Variants in MCF2L2 observed in about 807,000 individuals in gnomAD.
MCF2L2 encodes MCF.2 cell line derived transforming sequence-like 2.
In MCF2L2, 102 loss-of-function variants were observed where a neutral mutation model predicts 150.2. The observed-to-expected ratio is 0.68, with a 90% confidence interval of 0.58 to 0.80. The LOEUF (loss-of-function observed/expected upper bound fraction) is 0.80. Ranked by LOEUF, MCF2L2 falls within the 30% of genes least tolerant of loss-of-function variation. The pLI, the probability that MCF2L2 is intolerant of heterozygous loss-of-function variation, is 0.00. For missense variants in MCF2L2, 1,256 were observed against 1,372.8 expected (o/e 0.91, Z 1.34); for synonymous variants, 465 against 491.3 (o/e 0.95, Z 0.71).
At chr3:183,249,647 T>C (rs9883461) in intron 15 of MCF2L2, among the ~76,000 whole-genome samples, 26,818 of 152,098 alleles carry the variant, frequency 0.18, 7,060 homozygotes, top group African/African-American at 0.57. Context: ...ATCAAACTGC[T>C]GAGGCCCTGG....
intron 10 of MCF2L2, 129 bp downstream of exon 10, chr3:183,309,587 G>A: frequency 8.8e-7 from 1 of 1,141,182 alleles, no homozygotes; most frequent in Non-Finnish European, 1.3e-6. Flanking sequence ...TGGGATCCTG[G>A]GGTGACTGAA....
chr3:183,316,767 G>A (rs10937122), intron 7 of MCF2L2, among the ~76,000 whole-genome samples: 42,453 of 150,584 alleles, frequency 0.28, 6,378 homozygotes, highest in East Asian at 0.47. Context: ...GTGCAGTGGC[G>A]AGATCTCGGC....
chr3:183,348,475 T>C (rs917337938), intron 3 of MCF2L2, among the ~76,000 whole-genome samples: 22 of 150,830 alleles, frequency 1.5e-4, no homozygotes, highest in African/African-American at 5.4e-4. Context: ...AGATGATGGG[T>C]TGATGGGTGC....
At chr3:183,333,961 C>CAA (rs57368442) in intron 5 of MCF2L2, among the ~76,000 whole-genome samples, 68 of 94,992 alleles carry the variant, frequency 7.2e-4, no homozygotes, top group African/African-American at 1.7e-3. Context: ...AAGGAAGTGC[C>CAA]AAAAAAAAAA....
chr3:183,309,620 G>A, intron 10 of MCF2L2, 96 bp downstream of exon 10: 2 of 1,534,810 alleles, frequency 1.3e-6, no homozygotes, highest in East Asian at 2.2e-5. Flanking sequence ...GCATTCCTGT[G>A]TCCTTTAGCA....
At chr3:183,328,774 T>A (rs985544128) in intron 5 of MCF2L2, among the ~76,000 whole-genome samples, 10 of 152,034 alleles carry the variant, frequency 6.6e-5, no homozygotes, top group African/African-American at 2.4e-4. Context: ...TATTTGCAAG[T>A]CATATATCAG....
In MCF2L2 at chr3:183,179,175, CA is replaced by C. The variant is rs1721420320; in HGVS notation, c.*204del. On this transcript the variant is annotated 3_prime_UTR_variant, in exon 30 of 30. Transcript: ENST00000328913. This position sits in a 1 kb window ranked among gnomAD's most constrained non-coding sequence, Gnocchi z 4.2. ...GCTCGCCTCTGCAGGCGCCTTAGAG[CA>C]GCTCCGAGGTCCCCCGTGCGGAGCT... is the stretch of plus-strand genomic sequence containing the variant. The C allele has an allele frequency of 1.7e-6, 1 of 599,284 alleles. No homozygotes were observed. The highest frequency in any genetic ancestry group is 1.9e-5 in the African/African-American group (1 of 51,414). 37.1% of individuals were successfully genotyped at this position (599,284 alleles called of 1,614,324 possible).
rs1722122058 is a variant in MCF2L2 at position 183,197,703 on chromosome 3, T to G, written c.2885-2448A>C. Among the ~76,000 whole-genome samples the G allele has an allele frequency of 6.6e-6, 1 of 152,010 alleles. No homozygotes were observed. Among genetic ancestry groups the G allele is most frequent in the South Asian group, 2.1e-4 (1 of 4,830 alleles). Reference sequence around the variant, plus strand: ...ACTAGAAGAAAATATTTACAAAGCATTAAAAGGACATATATCTAGGATATA... The same window carrying G: ...ACTAGAAGAAAATATTTACAAAGCAGTAAAAGGACATATATCTAGGATATA... On this transcript the variant is annotated intron_variant, in intron 25 of 29. Transcript: ENST00000328913. The surrounding 1 kb of genome is among the most constrained non-coding windows in gnomAD (Gnocchi z 4.5).
Position 183,270,802 on chromosome 3 carries a change from A to G in MCF2L2, c.1862+6070T>C. 4 of 1,614,084 alleles carry G rather than the reference A, an allele frequency of 2.5e-6. No homozygotes were observed. Among genetic ancestry groups the G allele is most frequent in the Non-Finnish European group, 3.4e-6 (4 of 1,179,992 alleles). ...GAAGATCTCCAGGACCTTTGGAAGAATGCTACAGATCCTAAAGTAAAAACC... is the reference window on the plus strand; with the variant it reads ...GAAGATCTCCAGGACCTTTGGAAGAGTGCTACAGATCCTAAAGTAAAAACC... On this transcript the variant is annotated intron_variant, in intron 15 of 29. Transcript: ENST00000328913. This position sits in a 1 kb window ranked among gnomAD's most constrained non-coding sequence, Gnocchi z 4.5.
At chr3:183,257,931 C>G (rs1008674450) in intron 15 of MCF2L2, among the ~76,000 whole-genome samples, 5 of 114,248 alleles carry the variant, frequency 4.4e-5, no homozygotes, top group African/African-American at 1.7e-4. Context: ...CTTGGAATGT[C>G]TTATTCCTTG....
At chr3:183,208,697 T>G (rs566819401) in intron 22 of MCF2L2, among the ~76,000 whole-genome samples, 2 of 152,280 alleles carry the variant, frequency 1.3e-5, no homozygotes, top group South Asian at 4.1e-4. Context: ...AACAAATTAT[T>G]TGAAGGGGAC....
chr3:183,207,745 T>C lies in MCF2L2; in HGVS notation c.2575A>G (p.Met859Val). 6.2e-7 allele frequency: 1 copy of C among 1,614,232 alleles called. No individual in the cohort carries two copies. Among genetic ancestry groups the C allele is most frequent in the East Asian group, 2.2e-5 (1 of 44,884 alleles). The part of the protein sequence containing the change: ...VWTIHKDRYK[M>V]KDLIRFKPSQ... ...GGTTTAAATCGAATCAAATCCTTCA[T>C]TTTATAACGATCCTTGTGAATTGTC... The change falls in exon 23 of 30, where the codon ATG (methionine) becomes GTG (valine). Residue 859 changes from methionine to valine, a missense_variant. Coordinates refer to ENST00000328913, the MANE Select transcript of MCF2L2 (RefSeq NM_015078.4).
chr3:183,199,667 C>T (rs1327852031), intron 25 of MCF2L2, among the ~76,000 whole-genome samples: 1 of 150,134 alleles, frequency 6.7e-6, no homozygotes, highest in Non-Finnish European at 1.5e-5. Flanking sequence ...TACGTGTGCA[C>T]AACATGCAGG....
chr3:183,267,662 C>T lies in MCF2L2; in HGVS notation c.1862+9210G>A, dbSNP rs901465358. Among the ~76,000 whole-genome samples the T allele has an allele frequency of 1.3e-5, 2 of 152,234 alleles. No homozygotes were observed. Among genetic ancestry groups the T allele is most frequent in the Non-Finnish European group, 2.9e-5 (2 of 68,042 alleles). ...GCCCAGGAAACTAATGTACCACCCCCGAGGAAGAGAGCCTACCTTTCCATC... is the reference window on the plus strand; with the variant it reads ...GCCCAGGAAACTAATGTACCACCCCTGAGGAAGAGAGCCTACCTTTCCATC... On this transcript the variant is annotated intron_variant, in intron 15 of 29. Coordinates refer to ENST00000328913, the MANE Select transcript of MCF2L2 (RefSeq NM_015078.4). This position sits in a 1 kb window ranked among gnomAD's most constrained non-coding sequence, Gnocchi z 5.5.
intron 15 of MCF2L2, chr3:183,253,798 G>A (rs1385283136): frequency 2.6e-5 from 4 of 152,318 alleles, no homozygotes; most frequent in Non-Finnish European, 4.4e-5. Flanking sequence ...GAGCGCCCTG[G>A]GCCGGTGGTT....
chr3:183,219,876 C>T lies in MCF2L2; in HGVS notation c.2350G>A (p.Glu784Lys). The T allele has an allele frequency of 6.2e-7, 1 of 1,613,042 alleles. No individual in the cohort carries two copies. Among genetic ancestry groups the T allele is most frequent in the African/African-American group, 1.3e-5 (1 of 75,008 alleles). Residue 784 changes from glutamate (E) to lysine (K), a missense_variant, in exon 21 of 30, where the codon GAA (glutamate) becomes AAA (lysine). Transcript: ENST00000328913. ...SPEDMEIDPG[E>K]LGGSAKDGPK... is the part of the protein sequence containing the mutation. Reference sequence around the variant, plus strand: ...AGTACCTTAGCCGAGCCTCCTAGTTCACCTGGGTCTATCTCCATATCTTCA... The same window carrying T: ...AGTACCTTAGCCGAGCCTCCTAGTTTACCTGGGTCTATCTCCATATCTTCA...
intron 15 of MCF2L2, among the ~76,000 whole-genome samples, chr3:183,255,467 A>C (rs6793163): frequency 0.16 from 24,113 of 152,164 alleles, 4,593 homozygotes; most frequent in African/African-American, 0.46. Context: ...ACTCTTCCTT[A>C]TCCTCCCGCA....
chr3:183,272,031 CAATT>C (rs1360093467), intron 15 of MCF2L2: 4 of 518,204 alleles, frequency 7.7e-6, no homozygotes, highest in Non-Finnish European at 1.0e-5. Flanking sequence ...ATATCTAAAA[CAATT>C]TATTTTTCAT....
At chr3:183,396,240 G>A in intron 1 of MCF2L2, among the ~76,000 whole-genome samples, 1 of 152,034 alleles carries the variant, frequency 6.6e-6, no homozygotes, top group East Asian at 1.9e-4. Context: ...CAAATGCTAG[G>A]GTGGTTTGTG....
Sources: allele counts gnomAD v4.1 joint callset (sites outside exome capture counted in the v4.1 genomes callset), GRCh38; gene constraint gnomAD v4.1.1; non-coding constraint Gnocchi (gnomAD v3.1); transcripts MANE v1.5; gene names NCBI Gene and HGNC (gene_info 2026-07-23, HGNC 2026-07-21).